IQCM: variants seen among roughly 807,000 people sequenced by gnomAD.
IQCM encodes the protein IQ domain-containing protein M.
A neutral mutation model predicts 57.6 loss-of-function variants in IQCM; 45 were observed. The ratio of observed to expected loss-of-function variants is 0.78; its 90% CI spans 0.62 to 1.00. The LOEUF (loss-of-function observed/expected upper bound fraction) is 1.00. Ranked by LOEUF, IQCM falls within the 50% of genes least tolerant of loss-of-function variation. IQCM has a pLI of 0.00. For missense variants in IQCM, 468 were observed against 511.6 expected (o/e 0.91, Z 0.82); for synonymous variants, 148 against 158.9 (o/e 0.93, Z 0.51).
rs111814992 is a variant in IQCM at position 149,567,732 on chromosome 4, G to A, written c.750-3842C>T. On this transcript the variant is annotated intron_variant, in intron 9 of 13. Transcript: ENST00000636793. ...TTTTGGGTATCCCAGATGGCTTCAG[G>A]ATCATACCAAAGATTTTCTTCTTCA... Among the ~76,000 whole-genome samples the A allele has an allele frequency of 2.3e-3, 352 of 152,208 alleles. 1 individual carries two copies. The highest frequency in any genetic ancestry group is 3.7e-3 in the Non-Finnish European group (250 of 67,986).
chr4:149,626,461 A>G (rs955230037), intron 7 of IQCM, among the ~76,000 whole-genome samples: 1 of 135,154 alleles, frequency 7.4e-6, no homozygotes, highest in Admixed American at 7.9e-5. Flanking sequence ...AGAAGTTTGT[A>G]GATAGCAAAT....
At chr4:149,560,075 C>T (rs1749976616) in intron 10 of IQCM, among the ~76,000 whole-genome samples, 1 of 152,174 alleles carries the variant, frequency 6.6e-6, no homozygotes, top group South Asian at 2.1e-4. Flanking sequence ...AAACTGGTCC[C>T]TGGCACCAAA....
At position 149,522,967 on chromosome 4, in the gene IQCM, C is replaced by T. The variant is rs539347178; in HGVS notation, c.1228+25488G>A. Among the ~76,000 whole-genome samples the T allele has an allele frequency of 7.9e-4, 120 of 152,218 alleles. 1 individual carries two copies. The highest frequency in any genetic ancestry group is 2.8e-3 in the African/African-American group (117 of 41,546). On this transcript the variant is annotated intron_variant, in intron 12 of 13. Transcript: ENST00000636793. ...TCTTAGTCAGCTCAGACTACTATAACAAAAATACCACAGACTGAGTGGATT... is the reference window on the plus strand; with the variant it reads ...TCTTAGTCAGCTCAGACTACTATAATAAAAATACCACAGACTGAGTGGATT...
intron 7 of IQCM, among the ~76,000 whole-genome samples, chr4:149,657,280 G>A (rs908699886): frequency 6.6e-6 from 1 of 151,864 alleles, no homozygotes; most frequent in Non-Finnish European, 1.5e-5. Context: ...TGTCTTTTTG[G>A]GTCTGGCTTG....
chr4:149,477,021 C>G (rs756386256), intron 12 of IQCM, among the ~76,000 whole-genome samples: 1 of 152,134 alleles, frequency 6.6e-6, no homozygotes, highest in Non-Finnish European at 1.5e-5. Flanking sequence ...TACATAGAAG[C>G]TTATACGCCA....
chr4:149,477,267 A>G (rs768310937), intron 12 of IQCM, among the ~76,000 whole-genome samples: 2 of 151,972 alleles, frequency 1.3e-5, no homozygotes, highest in Non-Finnish European at 2.9e-5. Context: ...TATTGAAGCT[A>G]TTTTTTTCTG....
intron 7 of IQCM, among the ~76,000 whole-genome samples, chr4:149,646,138 A>G (rs1170294892): frequency 6.6e-6 from 1 of 152,168 alleles, no homozygotes; most frequent in Non-Finnish European, 1.5e-5. Context: ...ACTCTCTGTC[A>G]GCCTTAGGGA....
chr4:149,777,685 GAGT>G (rs1455649450), intron 2 of IQCM, among the ~76,000 whole-genome samples: 1 of 152,064 alleles, frequency 6.6e-6, no homozygotes, highest in Non-Finnish European at 1.5e-5. Flanking sequence ...TGAGAAAACG[GAGT>G]AGATGTAATT....
At chr4:149,699,463 A>G (rs1763595044) in intron 5 of IQCM, among the ~76,000 whole-genome samples, 1 of 151,994 alleles carries the variant, frequency 6.6e-6, no homozygotes. Context: ...ATATGGCTAC[A>G]GTCCAATACC....
At chr4:149,489,095 T>C (rs1268296455) in intron 12 of IQCM, among the ~76,000 whole-genome samples, 1 of 152,104 alleles carries the variant, frequency 6.6e-6, no homozygotes, top group Non-Finnish European at 1.5e-5. Context: ...TTAGAGACTG[T>C]GCTATTGAAC....
chr4:149,723,835 A>G lies in IQCM; in HGVS notation c.385+9409T>C, dbSNP rs2149862094. ...GTTAGGGTGGATTTCCTCCTTTTTG[A>G]TATTTTGGAATAGTTTCAGTAGGAT... On this transcript the variant is annotated intron_variant, in intron 5 of 13. Transcript: ENST00000636793. Among the ~76,000 whole-genome samples the G allele has an allele frequency of 2.0e-5, 3 of 151,212 alleles. No homozygotes were observed. The East Asian group carries it at 5.8e-4, about 29-fold the overall frequency.
chr4:149,508,152 C>T (rs1744022549), intron 12 of IQCM, among the ~76,000 whole-genome samples: 1 of 151,992 alleles, frequency 6.6e-6, no homozygotes, highest in Non-Finnish European at 1.5e-5. Flanking sequence ...AAGTTTGCTG[C>T]AGGGGTGGGG....
rs374356660 is a variant in IQCM, at chr4:149,442,312, A to G, written c.1229-8755T>C. ...TTAGCATTTTTCACAATCTGGATGG[A>G]TTGGAATTTTCCAAATCATCTAGTC... On this transcript the variant is annotated intron_variant, in intron 12 of 13. Transcript: ENST00000636793. 9.9e-5 allele frequency among the ~76,000 whole-genome samples: 15 copies of G among 152,170 alleles called. No homozygotes were observed. In the East Asian group the frequency reaches 1.9e-3, roughly 20 times the overall value.
At chr4:149,730,649 T>C (rs949705571) in intron 5 of IQCM, among the ~76,000 whole-genome samples, 1 of 152,216 alleles carries the variant, frequency 6.6e-6, no homozygotes, top group Non-Finnish European at 1.5e-5. Flanking sequence ...TTAACACTTA[T>C]TTATCTTTCA....
chr4:149,368,577 C>T (rs1176693449), intron 13 of IQCM, among the ~76,000 whole-genome samples: 3 of 151,206 alleles, frequency 2.0e-5, no homozygotes, highest in Admixed American at 1.3e-4. Context: ...TTAGCTGGGG[C>T]TGTTTCTAAG....
intron 7 of IQCM, among the ~76,000 whole-genome samples, chr4:149,632,977 A>T (rs1024950687): frequency 1.3e-5 from 2 of 151,028 alleles, no homozygotes; most frequent in Admixed American, 6.6e-5. Flanking sequence ...CTGGCTAACA[A>T]GGTGAAACCC....
intron 2 of IQCM, among the ~76,000 whole-genome samples, chr4:149,757,125 G>T (rs910430288): frequency 2.0e-5 from 3 of 152,066 alleles, no homozygotes; most frequent in African/African-American, 7.2e-5. Context: ...GGGCATGGTG[G>T]CAGGCGCCTG....
intron 12 of IQCM, among the ~76,000 whole-genome samples, chr4:149,491,707 G>A (rs887639382): frequency 6.6e-6 from 1 of 152,032 alleles, no homozygotes; most frequent in African/African-American, 2.4e-5. Flanking sequence ...GAATAATGCT[G>A]TAATGAACAT....
intron 9 of IQCM, among the ~76,000 whole-genome samples, chr4:149,578,607 C>A (rs371690880): frequency 1.3e-5 from 2 of 151,734 alleles, no homozygotes; most frequent in Non-Finnish European, 2.9e-5. Flanking sequence ...TACTCCCATC[C>A]GTCTCTCTCA....
Sources: gnomAD v4.1 joint callset for allele counts (sites outside exome capture counted in the v4.1 genomes callset) on GRCh38, gnomAD v4.1.1 for gene constraint, MANE v1.5 for transcripts, NCBI Gene and HGNC (gene_info 2026-07-23, HGNC 2026-07-21) for gene names.